CTSH: variants seen among roughly 807,000 people sequenced by gnomAD.
CTSH encodes the protein cathepsin H.
CTSH carries 52 observed loss-of-function variants against 56.3 expected under a neutral mutation model. That is an observed-to-expected ratio of 0.92 (90% CI 0.74 to 1.16). The LOEUF (loss-of-function observed/expected upper bound fraction) is 1.16. Ranked by LOEUF, CTSH falls within the 50% of genes most tolerant of loss-of-function variation. The pLI, the probability that CTSH is intolerant of heterozygous loss-of-function variation, is 0.00. For synonymous variants in CTSH, 174 were observed against 155.7 expected (o/e 1.12, Z -0.88); for missense variants, 406 against 424.5 (o/e 0.96, Z 0.38).
chr15:78,934,331 T>A (rs1469550382), intron 5 of CTSH, among the ~76,000 whole-genome samples: 1 of 152,244 alleles, frequency 6.6e-6, no homozygotes, highest in Non-Finnish European at 1.5e-5. Flanking sequence ...GGCATCCTTC[T>A]GAAGAAGGCC....
chr15:78,935,330 G>T (rs1014115662), intron 4 of CTSH, among the ~76,000 whole-genome samples: 1 of 152,120 alleles, frequency 6.6e-6, no homozygotes, highest in South Asian at 2.1e-4. Flanking sequence ...AGTTAAATTT[G>T]AATTTCAGGT....
intron 1 of CTSH, among the ~76,000 whole-genome samples, chr15:78,942,218 T>C (rs981359995): frequency 8.7e-4 from 120 of 137,534 alleles, no homozygotes; most frequent in Non-Finnish European, 1.5e-3. Context: ...TTTCCTTCTT[T>C]TTTTTTTTTT....
intron 11 of CTSH, 113 bp downstream of exon 11, chr15:78,922,880 G>T: frequency 7.5e-7 from 1 of 1,342,226 alleles, no homozygotes; most frequent in Non-Finnish European, 1.0e-6. Flanking sequence ...CCTAGGGCTT[G>T]GCTGACCAGC....
intron 9 of CTSH, 79 bp downstream of exon 9, chr15:78,927,634 C>G: frequency 7.8e-7 from 1 of 1,287,608 alleles, no homozygotes; most frequent in Non-Finnish European, 1.1e-6. Context: ...CCTTGCTGGG[C>G]CCACTGGCTA....
At chr15:78,927,274 G>T (rs1567352292) in intron 9 of CTSH, 1 of 195,692 alleles carries the variant, frequency 5.1e-6, no homozygotes, top group East Asian at 1.5e-4. Context: ...GGGCGCAGGA[G>T]TGCCACACAC....
chr15:78,941,564 G>A (rs1400499623), intron 1 of CTSH, among the ~76,000 whole-genome samples: 2 of 151,900 alleles, frequency 1.3e-5, no homozygotes, highest in African/African-American at 2.4e-5. Context: ...AGGCTGAGAC[G>A]GGCGGATCAC....
chr15:78,925,884 T>A (rs975075738), intron 9 of CTSH: 2 of 167,488 alleles, frequency 1.2e-5, no homozygotes, highest in African/African-American at 4.8e-5. Context: ...GACTTCTGAG[T>A]AGAACCTGTC....
At position 78,922,022 on chromosome 15, in the gene CTSH, G is replaced by A. The variant is rs2141510202; in HGVS notation, c.*108C>T. The A allele has an allele frequency of 1.0e-6, 1 of 1,000,682 alleles. No individual in the cohort carries two copies. The highest frequency in any genetic ancestry group is 1.5e-6 in the Non-Finnish European group (1 of 663,972). The allele number at this position is 1,000,682 out of a possible 1,614,324, so 62.0% of individuals were successfully genotyped here. A position where few individuals can be genotyped will look rare whatever the true frequency, so the allele number is the denominator to read the frequency against. ...CACAGAGGTGAGGGCAGAATGTTGG[G>A]GGTCCCAGTGGATCTCCCCACAACT... On this transcript the variant is annotated 3_prime_UTR_variant, in exon 12 of 12. Coordinates refer to ENST00000220166, the MANE Select transcript of CTSH (RefSeq NM_004390.5).
chr15:78,943,008 C>A (rs1252417584), intron 1 of CTSH, among the ~76,000 whole-genome samples: 1 of 152,128 alleles, frequency 6.6e-6, no homozygotes, highest in African/African-American at 2.4e-5. Flanking sequence ...AAGGGCCCTG[C>A]TGCAGCTGAG....
intron 8 of CTSH, among the ~76,000 whole-genome samples, chr15:78,928,003 G>C (rs8039683): frequency 0.1 from 15,312 of 152,246 alleles, 837 homozygotes; most frequent in East Asian, 0.26. Flanking sequence ...CATGGTGTGT[G>C]GTGGGAGCCT....
In CTSH at chr15:78,922,082, T is replaced by A; in HGVS notation, c.*48A>T. On this transcript the variant is annotated 3_prime_UTR_variant, in exon 12 of 12. Coordinates refer to ENST00000220166, the MANE Select transcript of CTSH (RefSeq NM_004390.5). ...GCAGGATTTCCACCCAGGCCCAGGC[T>A]GCCCGTTCCTCTCCTTCTCCGCCAG... 6.6e-7 allele frequency: 1 copy of A among 1,522,998 alleles called. No homozygotes were observed. Among genetic ancestry groups the A allele is most frequent in the African/African-American group, 1.4e-5 (1 of 72,578 alleles). The allele number at this position is 1,522,998 out of a possible 1,614,324, so 94.3% of individuals were successfully genotyped here. A position where few individuals can be genotyped will look rare whatever the true frequency, so the allele number is the denominator to read the frequency against.
At chr15:78,944,703 C>T in intron 1 of CTSH, 188 bp downstream of exon 1, 1 of 1,161,550 alleles carries the variant, frequency 8.6e-7, no homozygotes, top group Non-Finnish European at 1.1e-6. Context: ...ACAAGCCGCC[C>T]ACCCTCCGAG....
At chr15:78,924,635 G>T (rs1181385819) in intron 10 of CTSH, among the ~76,000 whole-genome samples, 4 of 151,988 alleles carry the variant, frequency 2.6e-5, no homozygotes, top group Admixed American at 2.0e-4. Context: ...GGATCCTAGT[G>T]TGTGAGGGCA....
intron 8 of CTSH, among the ~76,000 whole-genome samples, chr15:78,928,271 T>C (rs200259097): frequency 1.3e-5 from 2 of 151,738 alleles, no homozygotes; most frequent in East Asian, 1.9e-4. Context: ...GGCGTGAGGT[T>C]AAGAAGGGAG....
chr15:78,933,924 G>A lies in CTSH; in HGVS notation c.405+1054C>T, dbSNP rs906607868. Among the ~76,000 whole-genome samples the A allele has an allele frequency of 2.6e-5, 4 of 152,170 alleles. No homozygotes were observed. In the East Asian group the frequency reaches 5.8e-4, roughly 22 times the overall value. On this transcript the variant is annotated intron_variant, in intron 5 of 11. Coordinates refer to ENST00000220166, the MANE Select transcript of CTSH (RefSeq NM_004390.5). ...CCGCTCCCTTAGCCCAGCCGGCTGC[G>A]TCCTGCCTGATGGCCCAGGATCAGT...
rs900661408 is a variant in CTSH, at chr15:78,925,257, G to A, written c.806+77C>T. 5 of 918,062 alleles carry A rather than the reference G, an allele frequency of 5.4e-6. No homozygotes were observed. In the Admixed American group the frequency reaches 7.4e-5, roughly 14 times the overall value. The allele number at this position is 918,062 out of a possible 1,614,324, so 56.9% of individuals were successfully genotyped here. A position where few individuals can be genotyped will look rare whatever the true frequency, so the allele number is the denominator to read the frequency against. On this transcript the variant is annotated intron_variant, in intron 10 of 11. Coordinates refer to ENST00000220166, the MANE Select transcript of CTSH (RefSeq NM_004390.5). ...ACAGGAGTCTGGGCCACGAGCCCAA[G>A]TCCCACGAGTGGGGTGTGAGGAGGC...
rs1193823363 is a variant in CTSH at position 78,922,959 on chromosome 15, C to T, written c.932+34G>A. ...AGGGCCTCCAGGCCTGAGCAACATC[C>T]CCCTCCCAGAAGTGGGACCTGGGAG... On this transcript the variant is annotated intron_variant, in intron 11 of 11. Coordinates refer to ENST00000220166, the MANE Select transcript of CTSH (RefSeq NM_004390.5). 4 of 1,589,008 alleles carry T rather than the reference C, an allele frequency of 2.5e-6. No individual in the cohort carries two copies. The African/African-American group carries it at 4.1e-5, about 16-fold the overall frequency.
chr15:78,923,238 G>T, intron 10 of CTSH, 120 bp from the exon 11 acceptor site: 1 of 1,060,712 alleles, frequency 9.4e-7, no homozygotes. Flanking sequence ...GACCAGGGAG[G>T]CATGTAAGGT....
At chr15:78,931,844 G>A in intron 6 of CTSH, 2 of 1,273,742 alleles carry the variant, frequency 1.6e-6, no homozygotes, top group Non-Finnish European at 2.0e-6. Flanking sequence ...GGGGAAACAG[G>A]CCCAGCCAGA....
Sources: allele counts gnomAD v4.1 joint callset (sites outside exome capture counted in the v4.1 genomes callset), GRCh38; gene constraint gnomAD v4.1.1; transcripts MANE v1.5; gene names NCBI Gene and HGNC (gene_info 2026-07-23, HGNC 2026-07-21).